PTPRD: variants seen among roughly 807,000 people sequenced by gnomAD.
The protein encoded by PTPRD is protein tyrosine phosphatase receptor type D.
In PTPRD, 34 loss-of-function variants were observed where a neutral mutation model predicts 214.5. The ratio of observed to expected loss-of-function variants is 0.16; its 90% CI spans 0.12 to 0.21. The LOEUF (loss-of-function observed/expected upper bound fraction) is 0.21. Among genes scored for constraint, PTPRD ranks in the 10% least tolerant of loss-of-function variants. The pLI, the probability that PTPRD is intolerant of heterozygous loss-of-function variation, is 1.00. For synonymous variants in PTPRD, 1,128 were observed against 845.7 expected (o/e 1.33, Z -5.79); for missense variants, 2,545 against 2,398.7 (o/e 1.06, Z -1.27).
chr9:8,355,138 G>C (rs1432315337), intron 39 of PTPRD, among the ~76,000 whole-genome samples: 2 of 152,102 alleles, frequency 1.3e-5, no homozygotes, highest in African/African-American at 2.4e-5. Flanking sequence ...CGGTGGTAAT[G>C]AGGGATATTG....
At chr9:9,768,153 C>A (rs1349887040) in intron 5 of PTPRD, among the ~76,000 whole-genome samples, 2 of 152,144 alleles carry the variant, frequency 1.3e-5, no homozygotes, top group African/African-American at 4.8e-5. Flanking sequence ...GTCTTTTTCA[C>A]ACCTTCTAGA....
chr9:9,220,997 G>A (rs2099955619), intron 9 of PTPRD, among the ~76,000 whole-genome samples: 2 of 152,060 alleles, frequency 1.3e-5, no homozygotes, highest in Admixed American at 1.3e-4. Flanking sequence ...AGAGGTAAAA[G>A]AGCCATGACA....
intron 10 of PTPRD, among the ~76,000 whole-genome samples, chr9:9,123,462 A>G (rs1249264411): frequency 1.3e-5 from 2 of 152,236 alleles, no homozygotes; most frequent in Non-Finnish European, 2.9e-5. Flanking sequence ...GAAAATCACC[A>G]GGCTTATTGT....
chr9:9,923,280 A>G (rs931301615), intron 5 of PTPRD, among the ~76,000 whole-genome samples: 4 of 151,558 alleles, frequency 2.6e-5, no homozygotes, highest in Non-Finnish European at 5.9e-5. Context: ...ATTGTAATGA[A>G]TAGAAGAGTG....
rs574473494 is a variant in PTPRD at position 9,926,095 on chromosome 9, G to A, written c.-368+12412C>T. On this transcript the variant is annotated intron_variant, in intron 5 of 45. Transcript: ENST00000381196. ...TCCTCCTGCTTCATCCTCCTAAAGT[G>A]CTGGGATTACAGGCATCAGCCACTG... is the stretch of plus-strand genomic sequence containing the variant. Among the ~76,000 whole-genome samples the A allele has an allele frequency of 2.2e-3, 331 of 152,182 alleles. 1 individual carries two copies. Among genetic ancestry groups the A allele is most frequent in the Middle Eastern group, 3.4e-3 (1 of 294 alleles).
chr9:10,149,408 T>C (rs369038041), intron 3 of PTPRD, among the ~76,000 whole-genome samples: 2 of 152,208 alleles, frequency 1.3e-5, no homozygotes, highest in East Asian at 3.9e-4. Flanking sequence ...ATGAACAACA[T>C]GAACAAATCC....
intron 5 of PTPRD, among the ~76,000 whole-genome samples, chr9:9,932,335 T>A (rs891947807): frequency 6.3e-4 from 89 of 141,406 alleles, no homozygotes; most frequent in Non-Finnish European, 1.1e-3. Flanking sequence ...TTGAAAAAAA[T>A]TTAGAAGAAT....
chr9:9,457,807 G>A (rs1016955360), intron 8 of PTPRD, among the ~76,000 whole-genome samples: 6 of 151,916 alleles, frequency 3.9e-5, no homozygotes, highest in African/African-American at 1.2e-4. Flanking sequence ...GACAAATTAT[G>A]TATGTTCCCC....
intron 14 of PTPRD, among the ~76,000 whole-genome samples, chr9:8,597,271 A>G (rs2094525250): frequency 1.3e-5 from 2 of 152,268 alleles, no homozygotes; most frequent in East Asian, 3.9e-4. Context: ...TTGGAAAGAA[A>G]TGAGACAAAA....
intron 9 of PTPRD, among the ~76,000 whole-genome samples, chr9:9,212,633 C>T (rs540678646): frequency 1.1e-4 from 17 of 152,228 alleles, no homozygotes; most frequent in African/African-American, 4.1e-4. Context: ...GCAAGAAACC[C>T]GGCATGTTGA....
intron 7 of PTPRD, among the ~76,000 whole-genome samples, chr9:9,629,689 T>G (rs1415476276): frequency 2.0e-5 from 3 of 152,172 alleles, no homozygotes; most frequent in Non-Finnish European, 4.4e-5. Context: ...TCTATCCCTA[T>G]GCCCGTGGAT....
chr9:10,348,934 T>C (rs1416737405), intron 2 of PTPRD, among the ~76,000 whole-genome samples: 1 of 152,052 alleles, frequency 6.6e-6, no homozygotes, highest in African/African-American at 2.4e-5. Context: ...CCTTCAAGCT[T>C]ATCTGTCAAA....
At chr9:10,368,050 G>C (rs2097545575) in intron 2 of PTPRD, among the ~76,000 whole-genome samples, 1 of 151,870 alleles carries the variant, frequency 6.6e-6, no homozygotes, top group Non-Finnish European at 1.5e-5. Context: ...AATAAGCTAG[G>C]GCTATAGCAG....
intron 5 of PTPRD, among the ~76,000 whole-genome samples, chr9:9,880,282 C>G (rs951373719): frequency 6.6e-6 from 1 of 152,148 alleles, no homozygotes; most frequent in Non-Finnish European, 1.5e-5. Flanking sequence ...TCAATTAAAC[C>G]TCTTTTCTTT....
At chr9:10,158,039 C>T (rs934094677) in intron 3 of PTPRD, among the ~76,000 whole-genome samples, 9 of 140,722 alleles carry the variant, frequency 6.4e-5, no homozygotes, top group African/African-American at 2.3e-4. Flanking sequence ...GACAGAGTCT[C>T]ACCCTGTTGC....
At chr9:8,765,022 G>A (rs987020748) in intron 11 of PTPRD, among the ~76,000 whole-genome samples, 1 of 152,040 alleles carries the variant, frequency 6.6e-6, no homozygotes, top group African/African-American at 2.4e-5. Context: ...ATTAATTCCA[G>A]AAGTTTATTT....
intron 3 of PTPRD, among the ~76,000 whole-genome samples, chr9:10,209,068 G>T (rs1356123090): frequency 6.6e-6 from 1 of 152,134 alleles, no homozygotes; most frequent in East Asian, 1.9e-4. Context: ...TAAGTTTTAT[G>T]AATGCTGCAG....
chr9:8,710,673 T>G (rs544296261), intron 12 of PTPRD, among the ~76,000 whole-genome samples: 1 of 152,258 alleles, frequency 6.6e-6, no homozygotes, highest in African/African-American at 2.4e-5. Context: ...ATCAAAAATG[T>G]GCCCTTTCAT....
chr9:8,413,055 C>G (rs577558604), intron 35 of PTPRD, among the ~76,000 whole-genome samples: 1 of 152,172 alleles, frequency 6.6e-6, no homozygotes, highest in Non-Finnish European at 1.5e-5. Flanking sequence ...AAATCATCTT[C>G]ATTTTTAAAA....
Sources: allele counts gnomAD v4.1 joint callset (sites outside exome capture counted in the v4.1 genomes callset), GRCh38; gene constraint gnomAD v4.1.1; transcripts MANE v1.5; gene names NCBI Gene and HGNC (gene_info 2026-07-23, HGNC 2026-07-21).